The following ARNT variants were observed in gnomAD, a reference collection of about 807,000 sequenced individuals.
ARNT encodes aryl hydrocarbon receptor nuclear translocator.
In ARNT, 30 loss-of-function variants were observed where a neutral mutation model predicts 105.0. The ratio of observed to expected loss-of-function variants is 0.29; its 90% CI spans 0.21 to 0.39. ARNT has a LOEUF of 0.39. Among genes scored for constraint, ARNT ranks in the 10% least tolerant of loss-of-function variants. ARNT has a pLI of 1.00. For synonymous variants in ARNT, 304 were observed against 344.0 expected (o/e 0.88, Z 1.29); for missense variants, 748 against 978.7 (o/e 0.76, Z 3.15).
At chr1:150,854,068 T>G (rs1571418698) in intron 2 of ARNT, among the ~76,000 whole-genome samples, 1 of 152,252 alleles carries the variant, frequency 6.6e-6, no homozygotes, top group South Asian at 2.1e-4. Context: ...CTCAAATTCT[T>G]TCTTTCTCTC....
intron 8 of ARNT, 52 bp from the exon 9 acceptor site, chr1:150,832,451 A>C: frequency 6.5e-7 from 1 of 1,548,622 alleles, no homozygotes; most frequent in Non-Finnish European, 8.9e-7. Context: ...CTATCAAAGA[A>C]CTTTCCACAG....
intron 7 of ARNT, among the ~76,000 whole-genome samples, chr1:150,835,612 A>G (rs377165214): frequency 2.4e-4 from 37 of 152,260 alleles, no homozygotes; most frequent in Middle Eastern, 3.4e-3. Flanking sequence ...TTTGGGTGGG[A>G]AAAAAGGAGG....
intron 3 of ARNT, among the ~76,000 whole-genome samples, chr1:150,850,928 G>A (rs991931226): frequency 6.6e-6 from 1 of 151,140 alleles, no homozygotes; most frequent in African/African-American, 2.4e-5. Flanking sequence ...CCTCTGCCCG[G>A]CCACGACCCC....
intron 1 of ARNT, among the ~76,000 whole-genome samples, chr1:150,873,919 G>A (rs1667854442): frequency 7.0e-6 from 1 of 142,080 alleles, no homozygotes; most frequent in Non-Finnish European, 1.5e-5. Flanking sequence ...GAACCTGTCT[G>A]AAAAATAAAA....
At position 150,809,805 on chromosome 1, in the gene ARNT, T is replaced by G. The variant is rs1654407116; in HGVS notation, c.*2216A>C. ...GGTTTTCAAGTCCCGACTCTTCCCC[T>G]CTCTCCCAAGAACCCAGGCAACGCC... On this transcript the variant is annotated 3_prime_UTR_variant, in exon 22 of 22. Coordinates refer to ENST00000358595, the MANE Select transcript of ARNT (RefSeq NM_001668.4). The G allele has an allele frequency of 4.5e-6, 1 of 220,772 alleles. No homozygotes were observed. The highest frequency in any genetic ancestry group is 5.8e-5 in the Admixed American group (1 of 17,312). The allele number at this position is 220,772 out of a possible 1,614,324, so 13.7% of individuals were successfully genotyped here.
At chr1:150,871,688 T>A (rs1474001654) in intron 1 of ARNT, among the ~76,000 whole-genome samples, 1 of 139,826 alleles carries the variant, frequency 7.2e-6, no homozygotes, top group Non-Finnish European at 1.5e-5. Flanking sequence ...GGTGGGCGGA[T>A]CACCTGAGGT....
At chr1:150,842,523 AG>A in intron 4 of ARNT, 55 bp from the exon 5 acceptor site, 4 of 1,099,408 alleles carry the variant, frequency 3.6e-6, no homozygotes, top group East Asian at 3.5e-5. Flanking sequence ...GAAGGAAGGA[AG>A]GGGGGAGGGA....
In ARNT at chr1:150,846,251, C is replaced by T. The variant is rs1302610544; in HGVS notation, c.227+12G>A. On this transcript the variant is annotated intron_variant, in intron 4 of 21. Coordinates refer to ENST00000358595, the MANE Select transcript of ARNT (RefSeq NM_001668.4). ...ATTATATATTACAATATATTACCTA[C>T]TACAATATTACCTGGCAAACCGCTC... 5 of 1,604,140 alleles carry T rather than the reference C, an allele frequency of 3.1e-6. No individual in the cohort carries two copies. The highest frequency in any genetic ancestry group is 3.3e-5 in the Admixed American group (2 of 59,970).
chr1:150,856,892 A>G (rs898438622), intron 2 of ARNT, among the ~76,000 whole-genome samples: 2 of 152,226 alleles, frequency 1.3e-5, no homozygotes, highest in Non-Finnish European at 2.9e-5. Context: ...CAGGAGTTTG[A>G]GGCTGCAGTG....
At chr1:150,855,966 G>C (rs765541010) in intron 2 of ARNT, among the ~76,000 whole-genome samples, 2 of 152,038 alleles carry the variant, frequency 1.3e-5, no homozygotes, top group African/African-American at 2.4e-5. Context: ...GTGTGTGTGC[G>C]TGTGTATTGC....
chr1:150,867,097 G>C (rs1404204724), intron 1 of ARNT, among the ~76,000 whole-genome samples: 1 of 151,888 alleles, frequency 6.6e-6, no homozygotes, highest in African/African-American at 2.4e-5. Context: ...CCAGCTACTC[G>C]AGAGGCTGAG....
intron 5 of ARNT, among the ~76,000 whole-genome samples, chr1:150,841,563 G>A (rs929346931): frequency 2.0e-5 from 3 of 151,934 alleles, no homozygotes; most frequent in African/African-American, 7.3e-5. Context: ...GAAAAAAGGG[G>A]GAATATAGTA....
intron 3 of ARNT, among the ~76,000 whole-genome samples, chr1:150,848,441 A>T (rs1213844164): frequency 6.9e-6 from 1 of 145,546 alleles, no homozygotes; most frequent in African/African-American, 2.6e-5. Context: ...GGGCAACAAG[A>T]GCGAGACTCC....
chr1:150,830,659 A>G (rs1213486519), intron 10 of ARNT, among the ~76,000 whole-genome samples: 1 of 152,192 alleles, frequency 6.6e-6, no homozygotes, highest in African/African-American at 2.4e-5. Context: ...CCTAATCTGT[A>G]ACTTTTAAAG....
intron 1 of ARNT, among the ~76,000 whole-genome samples, chr1:150,872,729 A>G (rs1667646861): frequency 6.6e-6 from 1 of 152,152 alleles, no homozygotes; most frequent in Non-Finnish European, 1.5e-5. Context: ...GGGAGTGCCC[A>G]ACGCAGGAAG....
chr1:150,839,970 G>A (rs917076208), intron 5 of ARNT, among the ~76,000 whole-genome samples: 4 of 152,150 alleles, frequency 2.6e-5, no homozygotes, highest in African/African-American at 4.8e-5. Context: ...GTCAGGCATG[G>A]TGGCTCATGC....
At chr1:150,869,847 T>G (rs1480466078) in intron 1 of ARNT, among the ~76,000 whole-genome samples, 2 of 151,858 alleles carry the variant, frequency 1.3e-5, no homozygotes, top group African/African-American at 4.8e-5. Flanking sequence ...GCCACCACAC[T>G]CAGCCTGGAA....
At chr1:150,822,196 G>GA (rs1657241092) in intron 14 of ARNT, among the ~76,000 whole-genome samples, 1 of 151,600 alleles carries the variant, frequency 6.6e-6, no homozygotes, top group African/African-American at 2.4e-5. Flanking sequence ...TATATTTACT[G>GA]AAAAAAATCC....
intron 4 of ARNT, among the ~76,000 whole-genome samples, chr1:150,844,418 C>G (rs920569545): frequency 9.2e-5 from 14 of 152,256 alleles, no homozygotes; most frequent in African/African-American, 3.1e-4. Context: ...ATGTAATACC[C>G]TCTAATTCAA....
Sources: allele counts gnomAD v4.1 joint callset (sites outside exome capture counted in the v4.1 genomes callset), GRCh38; gene constraint gnomAD v4.1.1; transcripts MANE v1.5; gene names NCBI Gene and HGNC (gene_info 2026-07-23, HGNC 2026-07-21).